The following PPP1R12A variants were observed in gnomAD, a reference collection of about 807,000 sequenced individuals.
PPP1R12A encodes the protein protein phosphatase 1 regulatory subunit 12A.
Under a neutral mutation model 139.6 loss-of-function variants are expected in PPP1R12A, and 19 were observed. The observed-to-expected ratio is 0.14, with a 90% confidence interval of 0.09 to 0.20. The LOEUF is 0.20. Ranked by LOEUF, PPP1R12A falls within the 10% of genes least tolerant of loss-of-function variation. PPP1R12A has a pLI of 1.00. For missense variants in PPP1R12A, 925 were observed against 1,211.5 expected (o/e 0.76, Z 3.51); for synonymous variants, 427 against 420.6 (o/e 1.02, Z -0.19).
In PPP1R12A at chr12:79,820,755, A is replaced by G. The variant is rs527300751; in HGVS notation, c.1114+19T>C. On this transcript the variant is annotated intron_variant, in intron 8 of 24. Coordinates refer to ENST00000450142, the MANE Select transcript of PPP1R12A (RefSeq NM_002480.3). ...CTGCCACAAAATTCAACGAAAATGC[A>G]TTTATCTTTTAATTTTACCTGTTTC... The G allele has an allele frequency of 1.1e-5, 17 of 1,605,298 alleles. No individual in the cohort carries two copies. In the South Asian group the frequency reaches 1.6e-4, roughly 15 times the overall value.
Position 79,935,097 on chromosome 12 carries a change from T to C in PPP1R12A, c.-166A>G, listed in dbSNP as rs1238349794. The C allele has an allele frequency of 1.2e-5, 17 of 1,371,478 alleles. No homozygotes were observed. Among genetic ancestry groups the C allele is most frequent in the African/African-American group, 1.2e-4 (8 of 66,970 alleles). The allele number at this position is 1,371,478 out of a possible 1,614,324, so 85.0% of individuals were successfully genotyped here. On this transcript the variant is annotated 5_prime_UTR_variant, in exon 1 of 25. Coordinates refer to ENST00000450142, the MANE Select transcript of PPP1R12A (RefSeq NM_002480.3). ...AGACTTCCAGTATCCCACAGAGCAC[T>C]GGGGCGGCGCACCCGGCCGAGCGGA... is the stretch of plus-strand genomic sequence containing the variant.
In PPP1R12A at chr12:79,775,732, A is replaced by T. The variant is rs1447430112; in HGVS notation, c.*197T>A. 1 of 398,088 alleles carries T rather than the reference A, an allele frequency of 2.5e-6. No individual in the cohort carries two copies. Among genetic ancestry groups the T allele is most frequent in the Admixed American group, 4.2e-5 (1 of 23,788 alleles). 24.7% of individuals were successfully genotyped at this position (398,088 alleles called of 1,614,324 possible). On this transcript the variant is annotated 3_prime_UTR_variant, in exon 25 of 25. Coordinates refer to ENST00000450142, the MANE Select transcript of PPP1R12A (RefSeq NM_002480.3). ...TGGTCTTGATTAAAAAAAAAAAACA[A>T]AAAACAAACCAACAACAACAAAAAC...
chr12:79,880,740 A>G (rs1005903769), intron 1 of PPP1R12A, among the ~76,000 whole-genome samples: 1 of 152,172 alleles, frequency 6.6e-6, no homozygotes, highest in African/African-American at 2.4e-5. Context: ...AACCACCGAT[A>G]TCGGCATACC....
chr12:79,847,835 T>C (rs554789019), intron 2 of PPP1R12A, among the ~76,000 whole-genome samples: 1 of 152,100 alleles, frequency 6.6e-6, no homozygotes. Flanking sequence ...GTGCTGTAGG[T>C]GAGAAGGAAC....
intron 5 of PPP1R12A, chr12:79,823,967 G>A (rs12320351): frequency 6.6e-6 from 1 of 152,112 alleles, no homozygotes; most frequent in Non-Finnish European, 1.5e-5. Flanking sequence ...TACAAGATTC[G>A]AAAATACTTA....
chr12:79,789,481 T>C, intron 20 of PPP1R12A: 1 of 297,694 alleles, frequency 3.4e-6, no homozygotes, highest in South Asian at 3.0e-5. Context: ...ATGTCTTAGA[T>C]TTGATGAAAT....
intron 9 of PPP1R12A, among the ~76,000 whole-genome samples, chr12:79,814,500 AGGACTCCCCCTCTTCATT>A (rs1875041733): frequency 5.9e-4 from 57 of 96,328 alleles, no homozygotes; most frequent in Middle Eastern, 0.011. Context: ...AAAAAAAAAA[AGGACTCCCCCTCTTCATT>A]AAAAAAAAAA....
chr12:79,853,630 A>C (rs1286047306), intron 2 of PPP1R12A, among the ~76,000 whole-genome samples: 1 of 152,216 alleles, frequency 6.6e-6, no homozygotes, highest in Non-Finnish European at 1.5e-5. Flanking sequence ...AGTAACTCTT[A>C]AACATAGGAA....
upstream of PPP1R12A, chr12:79,935,112 G>A (rs1321954783): frequency 2.9e-6 from 4 of 1,367,620 alleles, no homozygotes; most frequent in Non-Finnish European, 3.8e-6. Context: ...CGGCGCACCC[G>A]GCCGAGCGGA....
At chr12:79,798,031 T>G (rs1051821384) in intron 15 of PPP1R12A, among the ~76,000 whole-genome samples, 1 of 152,122 alleles carries the variant, frequency 6.6e-6, no homozygotes, top group African/African-American at 2.4e-5. Flanking sequence ...GAATGACATT[T>G]TCTTCATACT....
At chr12:79,823,889 C>G (rs1876446499) in intron 5 of PPP1R12A, 1 of 152,052 alleles carries the variant, frequency 6.6e-6, no homozygotes, top group Non-Finnish European at 1.5e-5. Context: ...GTGCCCAGCC[C>G]TATGAAGAAT....
intron 1 of PPP1R12A, among the ~76,000 whole-genome samples, chr12:79,889,547 G>A (rs2137415989): frequency 6.6e-6 from 1 of 152,244 alleles, no homozygotes; most frequent in East Asian, 1.9e-4. Context: ...TACAACATTT[G>A]TACTGTTCAC....
chr12:79,825,733 A>G (rs2137129355), intron 5 of PPP1R12A, among the ~76,000 whole-genome samples: 1 of 152,064 alleles, frequency 6.6e-6, no homozygotes, highest in African/African-American at 2.4e-5. Flanking sequence ...AATAATCTTC[A>G]ATCTGTAAGT....
intron 12 of PPP1R12A, 28 bp downstream of exon 12, chr12:79,807,198 A>G: frequency 7.5e-7 from 1 of 1,332,690 alleles, no homozygotes; most frequent in South Asian, 1.4e-5. Context: ...ATGAATACAT[A>G]AAAACCGCTT....
chr12:79,816,781 A>C (rs997515364), intron 9 of PPP1R12A, among the ~76,000 whole-genome samples: 2 of 152,218 alleles, frequency 1.3e-5, no homozygotes, highest in Non-Finnish European at 2.9e-5. Context: ...TTATTTTGTT[A>C]TACAAAAGGA....
At chr12:79,800,679 T>C (rs1166724915) in intron 14 of PPP1R12A, among the ~76,000 whole-genome samples, 1 of 151,688 alleles carries the variant, frequency 6.6e-6, no homozygotes, top group East Asian at 2.0e-4. Flanking sequence ...TCCATGTATC[T>C]CCCTCTCAAA....
Position 79,897,928 on chromosome 12 carries a change from C to G in PPP1R12A, c.238-24990G>C, listed in dbSNP as rs144635675. Among the ~76,000 whole-genome samples, 9 of 152,336 alleles carry G rather than the reference C, an allele frequency of 5.9e-5. No homozygotes were observed. In the East Asian group the frequency reaches 1.5e-3, roughly 26 times the overall value. On this transcript the variant is annotated intron_variant, in intron 1 of 24. Coordinates refer to ENST00000450142, the MANE Select transcript of PPP1R12A (RefSeq NM_002480.3). ...TAATACCATTAATTTGCTCTGTTCTCCCACACAGATGCTGTCAAACAATGC... is the reference window on the plus strand; with the variant it reads ...TAATACCATTAATTTGCTCTGTTCTGCCACACAGATGCTGTCAAACAATGC...
intron 1 of PPP1R12A, among the ~76,000 whole-genome samples, chr12:79,875,860 T>C (rs1253572279): frequency 2.0e-5 from 3 of 152,176 alleles, no homozygotes; most frequent in Admixed American, 2.0e-4. Context: ...AAGACAGTAC[T>C]TAACCACCAA....
chr12:79,834,081 G>A (rs1490915042), intron 3 of PPP1R12A, among the ~76,000 whole-genome samples: 1 of 152,092 alleles, frequency 6.6e-6, no homozygotes, highest in Non-Finnish European at 1.5e-5. Flanking sequence ...AGATGCTACA[G>A]GTATAGATGT....
Sources: gnomAD v4.1 joint callset for allele counts (sites outside exome capture counted in the v4.1 genomes callset) on GRCh38, gnomAD v4.1.1 for gene constraint, MANE v1.5 for transcripts, NCBI Gene and HGNC (gene_info 2026-07-23, HGNC 2026-07-21) for gene names.